The following SENP7 variants were observed in gnomAD, a reference collection of about 807,000 sequenced individuals.
SENP7 encodes the protein SUMO specific peptidase 7, also known as sentrin-specific protease 7.
Under a neutral mutation model 141.2 loss-of-function variants are expected in SENP7, and 64 were observed. That is an observed-to-expected ratio of 0.45 (90% CI 0.37 to 0.56). The LOEUF is 0.56. SENP7 is among the 20% of genes least tolerant of loss of function. The pLI is 0.00. For synonymous variants in SENP7, 382 were observed against 426.4 expected, an observed-to-expected ratio of 0.90 and a Z score of 1.28; for missense variants, 1,025 against 1,212.2, an observed-to-expected ratio of 0.85 and a Z score of 2.29.
intron 6 of SENP7, among the ~76,000 whole-genome samples, chr3:101,381,733 T>A (rs2060508567): frequency 6.6e-6 from 1 of 152,172 alleles, no homozygotes; most frequent in Non-Finnish European, 1.5e-5. Flanking sequence ...GTTTCTAGCA[T>A]AAAGGAGTTG....
intron 1 of SENP7, among the ~76,000 whole-genome samples, chr3:101,506,899 GT>G (rs931849050): frequency 2.0e-5 from 3 of 151,924 alleles, no homozygotes; most frequent in Admixed American, 1.3e-4. Flanking sequence ...GAAAAACTAA[GT>G]TTTTTTAAAA....
At position 101,431,397 on chromosome 3, in the gene SENP7, G is replaced by C. The variant is rs552856753; in HGVS notation, c.285-13607C>G. Among the ~76,000 whole-genome samples, 4 of 151,544 alleles carry C rather than the reference G, an allele frequency of 2.6e-5. No individual in the cohort carries two copies. The South Asian group carries it at 8.3e-4, about 32-fold the overall frequency. On this transcript the variant is annotated intron_variant, in intron 4 of 23. Transcript: ENST00000394095. ...GGTGCATATATATTTAGGATAGTTA[G>C]CTCTTCTTGTTGCATTGATCCCTTT...
At chr3:101,470,629 T>C (rs1045845638) in intron 3 of SENP7, among the ~76,000 whole-genome samples, 15 of 152,146 alleles carry the variant, frequency 9.9e-5, no homozygotes, top group African/African-American at 3.1e-4. Flanking sequence ...CTATTCAACA[T>C]AGTATTGGAA....
At chr3:101,416,942 C>T (rs1430165363) in intron 5 of SENP7, among the ~76,000 whole-genome samples, 1 of 152,022 alleles carries the variant, frequency 6.6e-6, no homozygotes, top group African/African-American at 2.4e-5. Context: ...AATTGTAAAT[C>T]GTGATGTATA....
chr3:101,348,276 T>TA (rs2059525085), intron 12 of SENP7, among the ~76,000 whole-genome samples: 1 of 152,160 alleles, frequency 6.6e-6, no homozygotes, highest in Admixed American at 6.5e-5. Context: ...AAGGGCTAAA[T>TA]AATTATTAAA....
chr3:101,474,296 A>T (rs1222241515), intron 3 of SENP7, among the ~76,000 whole-genome samples: 2 of 152,192 alleles, frequency 1.3e-5, no homozygotes, highest in Non-Finnish European at 2.9e-5. Context: ...TGGCCATTTT[A>T]AAAATATTGA....
At chr3:101,496,200 T>C (rs1576526387) in intron 2 of SENP7, among the ~76,000 whole-genome samples, 2 of 152,224 alleles carry the variant, frequency 1.3e-5, no homozygotes, top group African/African-American at 4.8e-5. Context: ...AAGTTCTTAA[T>C]TGAACTTTAG....
chr3:101,377,644 A>G (rs1192335163), intron 6 of SENP7, among the ~76,000 whole-genome samples: 3 of 152,216 alleles, frequency 2.0e-5, no homozygotes, highest in African/African-American at 7.2e-5. Flanking sequence ...CCCTCAAGAA[A>G]AACTATTTCA....
At chr3:101,464,157 T>A (rs1416155270) in intron 3 of SENP7, among the ~76,000 whole-genome samples, 1 of 152,042 alleles carries the variant, frequency 6.6e-6, no homozygotes, top group Non-Finnish European at 1.5e-5. Flanking sequence ...ATTATACTGT[T>A]CTCTGAGAGG....
intron 4 of SENP7, among the ~76,000 whole-genome samples, chr3:101,426,832 C>G (rs1196870279): frequency 6.6e-6 from 1 of 152,074 alleles, no homozygotes; most frequent in Non-Finnish European, 1.5e-5. Context: ...GATTACCACA[C>G]GACCTGCCTT....
intron 14 of SENP7, 29 bp from the exon 15 acceptor site, chr3:101,341,808 T>G (rs762870287): frequency 6.5e-7 from 1 of 1,545,084 alleles, no homozygotes; most frequent in Admixed American, 1.7e-5. Flanking sequence ...AAAAAGGGTC[T>G]CAAACATCAT....
At chr3:101,437,743 T>C (rs892598453) in intron 4 of SENP7, among the ~76,000 whole-genome samples, 1 of 151,356 alleles carries the variant, frequency 6.6e-6, no homozygotes, top group Non-Finnish European at 1.5e-5. Flanking sequence ...AACTCAACAA[T>C]AAAAAACCAA....
chr3:101,436,978 T>C (rs1415846119), intron 4 of SENP7, among the ~76,000 whole-genome samples: 1 of 152,204 alleles, frequency 6.6e-6, no homozygotes, highest in African/African-American at 2.4e-5. Flanking sequence ...TAAGTGCCCA[T>C]TAATAGATGA....
chr3:101,328,197 G>T (rs1034729203), intron 22 of SENP7, among the ~76,000 whole-genome samples: 7 of 151,900 alleles, frequency 4.6e-5, no homozygotes, highest in Non-Finnish European at 8.8e-5. Context: ...TTCTAAAGTG[G>T]TACTTTTGAT....
In SENP7 at chr3:101,513,113, G is replaced by C. The variant is rs778256531; in HGVS notation, c.18C>G (p.Leu6=). The C allele has an allele frequency of 7.5e-6, 12 of 1,609,150 alleles. No individual in the cohort carries two copies. The highest frequency in any genetic ancestry group is 1.0e-5 in the Non-Finnish European group (12 of 1,178,022). MDKRK[L]GRRPSSSEII... ...CACCGGATGAAGATGGCCGTCGCCC[G>C]AGCTTTCTCTTGTCCATCTTCTCCC... Residue 6 remains leucine (L), a synonymous_variant, in exon 1 of 24, where the codon CTC becomes CTG. Transcript: ENST00000394095.
At chr3:101,384,956 A>G (rs1388497044) in intron 6 of SENP7, among the ~76,000 whole-genome samples, 1 of 152,210 alleles carries the variant, frequency 6.6e-6, no homozygotes, top group East Asian at 1.9e-4. Context: ...GTATTTCACT[A>G]ATAGCAGTGC....
At position 101,442,581 on chromosome 3, in the gene SENP7, G is replaced by T. The variant is rs62280727; in HGVS notation, c.284+16374C>A. ...CCAGTACCAGTCCATGGCTCCAGGGGTTGGGGATCCCAATCTAAGGAAACT... is the reference window on the plus strand; with the variant it reads ...CCAGTACCAGTCCATGGCTCCAGGGTTTGGGGATCCCAATCTAAGGAAACT... On this transcript the variant is annotated intron_variant, in intron 4 of 23. Transcript: ENST00000394095. Among the ~76,000 whole-genome samples the T allele has an allele frequency of 6.6e-3, 1,008 of 152,200 alleles. 10 individuals carry two copies. Among genetic ancestry groups the T allele is most frequent in the Middle Eastern group, 0.01 (3 of 294 alleles).
At chr3:101,445,589 C>T (rs1171680036) in intron 4 of SENP7, among the ~76,000 whole-genome samples, 4 of 151,980 alleles carry the variant, frequency 2.6e-5, no homozygotes, top group African/African-American at 7.3e-5. Context: ...TTAAATTCTC[C>T]AATTTAAAAA....
Position 101,357,847 on chromosome 3 carries a change from G to C in SENP7, c.1623+3868C>G, listed in dbSNP as rs1319873093. ...GTTCATACTGGAGAGAAACGCTACA[G>C]ATGTGAAGAATCTGGCAAAGCCTTT... On this transcript the variant is annotated intron_variant, in intron 11 of 23. Coordinates refer to ENST00000394095, the MANE Select transcript of SENP7 (RefSeq NM_020654.5). 4 of 563,516 alleles carry C rather than the reference G, an allele frequency of 7.1e-6. No individual in the cohort carries two copies. In the East Asian group the frequency reaches 1.6e-4, roughly 23 times the overall value. The allele number at this position is 563,516 out of a possible 1,614,324, so 34.9% of individuals were successfully genotyped here.
Sources: gnomAD v4.1 joint callset for allele counts (sites outside exome capture counted in the v4.1 genomes callset) on GRCh38, gnomAD v4.1.1 for gene constraint, MANE v1.5 for transcripts, NCBI Gene and HGNC (gene_info 2026-07-23, HGNC 2026-07-21) for gene names.